RPS6KC1: variants seen among roughly 807,000 people sequenced by gnomAD.
RPS6KC1 encodes ribosomal protein S6 kinase C1.
In RPS6KC1, 54 loss-of-function variants were observed where a neutral mutation model predicts 103.8. That is an observed-to-expected ratio of 0.52 (90% CI 0.42 to 0.65). The LOEUF is 0.65. Among genes scored for constraint, RPS6KC1 ranks in the 30% least tolerant of loss-of-function variants. The probability of loss-of-function intolerance (pLI) is 0.00; values close to 1 mark genes in which losing one functional copy is unlikely to be tolerated. For synonymous variants in RPS6KC1, 439 were observed against 438.7 expected (o/e 1.00, Z -0.01); for missense variants, 1,151 against 1,253.8 (o/e 0.92, Z 1.24).
chr1:213,393,991 C>T, the RPS6KC1 span, among the ~76,000 whole-genome samples: 1,017 of 152,180 alleles, frequency 6.7e-3, 10 homozygotes, highest in African/African-American at 0.023. Context: ...GGATTAGCCA[C>T]AGCCGAAGAC....
At chr1:213,230,205 G>A (rs1170048828) in intron 8 of RPS6KC1, among the ~76,000 whole-genome samples, 1 of 152,076 alleles carries the variant, frequency 6.6e-6, no homozygotes, top group Non-Finnish European at 1.5e-5. Flanking sequence ...GAAAAACTCT[G>A]TTTAAAATAG....
chr1:213,670,174 G>A, the RPS6KC1 span, among the ~76,000 whole-genome samples: 2 of 152,210 alleles, frequency 1.3e-5, no homozygotes, highest in African/African-American at 4.8e-5. Flanking sequence ...TCCCTGTGCT[G>A]TTCCTGTAGG....
At chr1:213,659,285 G>A in the RPS6KC1 span, among the ~76,000 whole-genome samples, 2 of 152,142 alleles carry the variant, frequency 1.3e-5, no homozygotes, top group East Asian at 1.9e-4. Context: ...TTCTTATAGG[G>A]AGGAAGGGCT....
At chr1:213,400,736 T>G in the RPS6KC1 span, among the ~76,000 whole-genome samples, 1 of 151,602 alleles carries the variant, frequency 6.6e-6, no homozygotes, top group African/African-American at 2.4e-5. Context: ...AGACAGAGTC[T>G]CGCTCTGTCA....
intron 14 of RPS6KC1, among the ~76,000 whole-genome samples, chr1:213,270,208 A>C (rs1573742396): frequency 6.6e-6 from 1 of 152,314 alleles, no homozygotes; most frequent in East Asian, 1.9e-4. Flanking sequence ...AACAAATGGC[A>C]CTGGGAAATT....
chr1:213,768,478 A>G, the RPS6KC1 span, among the ~76,000 whole-genome samples: 1 of 152,242 alleles, frequency 6.6e-6, no homozygotes, highest in South Asian at 2.1e-4. Context: ...CAAGGTGAAC[A>G]GGAAATTATC....
rs140922638 is a variant in RPS6KC1 at position 213,176,708 on chromosome 1, G to A, written c.1044+216G>A. On this transcript the variant is annotated intron_variant, in intron 8 of 14. Coordinates refer to ENST00000366960, the MANE Select transcript of RPS6KC1 (RefSeq NM_012424.6). ...ATATATTTGAGCTAAAGGAGAAGGC[G>A]CATATTTGTTGGCATTCAGTTGAGT... is the stretch of plus-strand genomic sequence containing the variant. The A allele has an allele frequency of 2.4e-3, 828 of 340,332 alleles. 9 individuals carry two copies. Among genetic ancestry groups the A allele is most frequent in the African/African-American group, 0.015 (747 of 49,122 alleles). 21.1% of individuals were successfully genotyped at this position (340,332 alleles called of 1,614,324 possible).
intron 3 of RPS6KC1, among the ~76,000 whole-genome samples, chr1:213,089,182 A>G (rs1005788259): frequency 2.0e-5 from 3 of 152,186 alleles, no homozygotes; most frequent in African/African-American, 4.8e-5. Context: ...CAATAGAACC[A>G]TTAGTTCTGA....
chr1:213,587,014 G>A, the RPS6KC1 span, among the ~76,000 whole-genome samples: 2 of 152,274 alleles, frequency 1.3e-5, no homozygotes, highest in East Asian at 3.9e-4. Flanking sequence ...TCCAAGTGAG[G>A]GTTTTTGGAG....
chr1:213,664,933 T>G, the RPS6KC1 span, among the ~76,000 whole-genome samples: 1 of 152,232 alleles, frequency 6.6e-6, no homozygotes, highest in African/African-American at 2.4e-5. Flanking sequence ...GAAATGTTTT[T>G]GTTAAAATGA....
chr1:213,207,478 G>C (rs1260734652), intron 8 of RPS6KC1, among the ~76,000 whole-genome samples: 2 of 152,070 alleles, frequency 1.3e-5, no homozygotes, highest in Non-Finnish European at 2.9e-5. Flanking sequence ...AATAGCTTTT[G>C]TTCAGCTTGC....
the RPS6KC1 span, among the ~76,000 whole-genome samples, chr1:213,541,429 A>G: frequency 1.4e-3 from 218 of 152,174 alleles, 1 homozygote; most frequent in South Asian, 3.5e-3. Context: ...GCACCAATAC[A>G]CTTGCCCAAT....
the RPS6KC1 span, among the ~76,000 whole-genome samples, chr1:213,466,087 C>T: frequency 6.6e-6 from 1 of 152,108 alleles, no homozygotes; most frequent in Non-Finnish European, 1.5e-5. Flanking sequence ...CTGCTTCTCC[C>T]CACCTGTCCC....
Position 213,234,534 on chromosome 1 carries a change from G to A in RPS6KC1, c.1225+2279G>A, listed in dbSNP as rs7418420. 9.2e-3 allele frequency among the ~76,000 whole-genome samples: 1,405 copies of A among 152,270 alleles called. 44 individuals carry two copies. The highest frequency in any genetic ancestry group is 0.071 in the East Asian group (367 of 5,176). Reference sequence around the variant, plus strand: ...AACAATCATTTGAATGTAAGATACAGGTACAGGGATGAGTATAAAAACAAA... The same window carrying A: ...AACAATCATTTGAATGTAAGATACAAGTACAGGGATGAGTATAAAAACAAA... On this transcript the variant is annotated intron_variant, in intron 10 of 14. Coordinates refer to ENST00000366960, the MANE Select transcript of RPS6KC1 (RefSeq NM_012424.6).
chr1:213,416,839 C>T, the RPS6KC1 span, among the ~76,000 whole-genome samples: 2 of 152,180 alleles, frequency 1.3e-5, no homozygotes, highest in Non-Finnish European at 2.9e-5. Context: ...CTGGGGTCTG[C>T]ACATGGTCAT....
the RPS6KC1 span, among the ~76,000 whole-genome samples, chr1:213,860,892 T>C: frequency 6.6e-6 from 1 of 151,822 alleles, no homozygotes; most frequent in Admixed American, 6.6e-5. Flanking sequence ...CACTGCAACC[T>C]CTGCCTCCTG....
the RPS6KC1 span, among the ~76,000 whole-genome samples, chr1:213,839,186 C>A: frequency 6.6e-6 from 1 of 152,106 alleles, no homozygotes; most frequent in Non-Finnish European, 1.5e-5. Flanking sequence ...GGGATCAAAT[C>A]CTGTGGAGAA....
At position 213,051,368 on chromosome 1, in the gene RPS6KC1, C is replaced by T; in HGVS notation, c.-37C>T. The T allele has an allele frequency of 2.0e-6, 3 of 1,531,390 alleles. No individual in the cohort carries two copies. The highest frequency in any genetic ancestry group is 2.7e-6 in the Non-Finnish European group (3 of 1,108,284). 94.9% of individuals were successfully genotyped at this position (1,531,390 alleles called of 1,614,324 possible). On this transcript the variant is annotated 5_prime_UTR_variant, in exon 1 of 15. Transcript: ENST00000366960. The stretch of plus-strand genomic sequence containing the variant: ...GCGGCGCCGGGTTTCCCTCATGATC[C>T]CGGGCGGGTGGCGGCGGCGGCAGAG...
At chr1:213,732,593 C>G in the RPS6KC1 span, among the ~76,000 whole-genome samples, 1 of 152,068 alleles carries the variant, frequency 6.6e-6, no homozygotes, top group Admixed American at 6.5e-5. Context: ...ATTTACAGTA[C>G]CTTCTGGCAA....
Sources: allele counts gnomAD v4.1 joint callset (sites outside exome capture counted in the v4.1 genomes callset), GRCh38; gene constraint gnomAD v4.1.1; transcripts MANE v1.5; gene names NCBI Gene and HGNC (gene_info 2026-07-23, HGNC 2026-07-21).